DTNB: variants seen among roughly 807,000 people sequenced by gnomAD.
DTNB encodes the protein dystrobrevin beta, also known as DTN-B.
Under a neutral mutation model 90.7 loss-of-function variants are expected in DTNB, and 63 were observed. That is an observed-to-expected ratio of 0.69 (90% CI 0.57 to 0.86). The LOEUF is 0.86. Among genes scored for constraint, DTNB ranks in the 40% least tolerant of loss-of-function variants. The pLI, the probability that DTNB is intolerant of heterozygous loss-of-function variation, is 0.00. For missense variants in DTNB, 744 were observed against 807.1 expected, an observed-to-expected ratio of 0.92 and a Z score of 0.95; for synonymous variants, 277 against 286.7, an observed-to-expected ratio of 0.97 and a Z score of 0.34.
intron 5 of DTNB, among the ~76,000 whole-genome samples, chr2:25,601,205 T>C (rs1011066517): frequency 6.6e-6 from 1 of 152,116 alleles, no homozygotes; most frequent in African/African-American, 2.4e-5. Flanking sequence ...TTAATGAAAA[T>C]ATTTTAAAAA....
Position 25,573,119 on chromosome 2 carries a change from G to A in DTNB, c.876+3719C>T, listed in dbSNP as rs565437220. ...CGCCACCACACCCAGCTAATTTTTTGTAATTTTAGTAGAGACAGGGTTTTA... is the reference window on the plus strand; with the variant it reads ...CGCCACCACACCCAGCTAATTTTTTATAATTTTAGTAGAGACAGGGTTTTA... On this transcript the variant is annotated intron_variant, in intron 8 of 20. Transcript: ENST00000406818. 2.0e-5 allele frequency among the ~76,000 whole-genome samples: 3 copies of A among 152,184 alleles called. No individual in the cohort carries two copies. In the East Asian group the frequency reaches 5.8e-4, roughly 29 times the overall value.
intron 2 of DTNB, among the ~76,000 whole-genome samples, chr2:25,642,569 C>T (rs924067133): frequency 6.6e-6 from 1 of 151,754 alleles, no homozygotes; most frequent in Admixed American, 6.6e-5. Context: ...TGCCACCACA[C>T]CCAGCTAATT....
At chr2:25,458,391 G>T (rs367982086) in intron 10 of DTNB, among the ~76,000 whole-genome samples, 2 of 151,728 alleles carry the variant, frequency 1.3e-5, no homozygotes, top group Non-Finnish European at 2.9e-5. Context: ...TGGGAAAAGG[G>T]TTAATGAGAA....
chr2:25,568,152 G>A (rs1483206135), intron 8 of DTNB, among the ~76,000 whole-genome samples: 3 of 145,012 alleles, frequency 2.1e-5, no homozygotes, highest in South Asian at 2.1e-4. Flanking sequence ...GGGAGACTCC[G>A]TCTCAAAAAA....
chr2:25,416,938 G>A (rs1256484800), intron 16 of DTNB, among the ~76,000 whole-genome samples: 1 of 152,154 alleles, frequency 6.6e-6, no homozygotes, highest in Non-Finnish European at 1.5e-5. Flanking sequence ...TTAAACAGAA[G>A]CTAGTTCTAA....
At chr2:25,406,279 GAGGCTAC>G (rs995700916) in intron 16 of DTNB, among the ~76,000 whole-genome samples, 1 of 152,114 alleles carries the variant, frequency 6.6e-6, no homozygotes, top group Admixed American at 6.6e-5. Flanking sequence ...CCTGAGAGTA[GAGGCTAC>G]TACTGGTGCT....
chr2:25,416,824 G>C (rs372376658), intron 16 of DTNB, among the ~76,000 whole-genome samples: 28 of 151,460 alleles, frequency 1.8e-4, no homozygotes, highest in African/African-American at 6.8e-4. Context: ...AAGGAAGGAA[G>C]GAAGGAAGGA....
rs1360328781 is a variant in DTNB, at chr2:25,377,435, C to G, written c.*148G>C. ...CCCCTCTCCCTGGCGGGTGGAGTGA[C>G]GTCTGGCAGCCTGCAAGCCTGGTCC... On this transcript the variant is annotated 3_prime_UTR_variant, in exon 21 of 21. Coordinates refer to ENST00000406818, the MANE Select transcript of DTNB (RefSeq NM_021907.5). The G allele has an allele frequency of 6.5e-6, 1 of 152,900 alleles. No individual in the cohort carries two copies. Among genetic ancestry groups the G allele is most frequent in the African/African-American group, 2.4e-5 (1 of 41,448 alleles). The allele number at this position is 152,900 out of a possible 1,614,324, so 9.5% of individuals were successfully genotyped here.
At chr2:25,503,296 C>A (rs1205597804) in intron 9 of DTNB, among the ~76,000 whole-genome samples, 1 of 151,586 alleles carries the variant, frequency 6.6e-6, no homozygotes, top group African/African-American at 2.4e-5. Flanking sequence ...TGAGACCACA[C>A]TGGACAACAT....
intron 3 of DTNB, among the ~76,000 whole-genome samples, chr2:25,631,977 T>C (rs1213826678): frequency 1.3e-5 from 2 of 151,994 alleles, no homozygotes; most frequent in Admixed American, 6.6e-5. Context: ...GGTGGATCAC[T>C]TGAGGTCAGG....
chr2:25,656,585 G>A (rs1289515739), intron 1 of DTNB, among the ~76,000 whole-genome samples: 5 of 151,886 alleles, frequency 3.3e-5, no homozygotes, highest in African/African-American at 4.8e-5. Flanking sequence ...TCATAATCAC[G>A]CTCATATCCA....
chr2:25,559,009 G>A (rs1406366870), intron 8 of DTNB, among the ~76,000 whole-genome samples: 1 of 152,114 alleles, frequency 6.6e-6, no homozygotes, highest in East Asian at 1.9e-4. Context: ...GATGAACCCA[G>A]AGCCCTGCAT....
intron 1 of DTNB, among the ~76,000 whole-genome samples, chr2:25,661,661 A>G (rs568831930): frequency 6.6e-6 from 1 of 152,346 alleles, no homozygotes; most frequent in South Asian, 2.1e-4. Context: ...ATAATTCACT[A>G]AGCTATGATT....
At position 25,384,050 on chromosome 2, in the gene DTNB, C is replaced by T. The variant is rs976999583; in HGVS notation, c.1826-161G>A. Among the ~76,000 whole-genome samples the T allele has an allele frequency of 1.1e-4, 17 of 152,382 alleles. 1 individual carries two copies. The highest frequency in any genetic ancestry group is 5.8e-4 in the East Asian group (3 of 5,188). On this transcript the variant is annotated intron_variant, in intron 18 of 20. Coordinates refer to ENST00000406818, the MANE Select transcript of DTNB (RefSeq NM_021907.5). ...TTCAGCTCACCAGTCTGCACTTGTG[C>T]GGCCCACGCCCCAGCACTGCTGAAT...
chr2:25,488,984 G>A (rs1018241227), intron 9 of DTNB, among the ~76,000 whole-genome samples: 4 of 152,116 alleles, frequency 2.6e-5, no homozygotes, highest in African/African-American at 7.2e-5. Flanking sequence ...GTTTTTAGGC[G>A]GGGTAGGAGA....
chr2:25,560,954 G>T (rs984883314), intron 8 of DTNB, among the ~76,000 whole-genome samples: 1 of 152,096 alleles, frequency 6.6e-6, no homozygotes, highest in Non-Finnish European at 1.5e-5. Flanking sequence ...TTCAGCAACT[G>T]TTCTCCCACC....
intron 10 of DTNB, among the ~76,000 whole-genome samples, chr2:25,476,065 ATTTTTTT>A (rs35073594): frequency 7.8e-6 from 1 of 127,818 alleles, no homozygotes; most frequent in Non-Finnish European, 1.6e-5. Context: ...TCAAGAAGTA[ATTTTTTT>A]TTTTTTTTTT....
At chr2:25,661,029 G>C (rs1305030269) in intron 1 of DTNB, among the ~76,000 whole-genome samples, 11 of 152,066 alleles carry the variant, frequency 7.2e-5, no homozygotes, top group Non-Finnish European at 1.2e-4. Context: ...GTCTTGATTG[G>C]TATTTCTTTG....
At chr2:25,603,844 T>G (rs2066446124) in intron 5 of DTNB, among the ~76,000 whole-genome samples, 1 of 152,188 alleles carries the variant, frequency 6.6e-6, no homozygotes, top group Admixed American at 6.5e-5. Context: ...AAAGATCATT[T>G]GCTGTTACAA....
Sources: gnomAD v4.1 joint callset for allele counts (sites outside exome capture counted in the v4.1 genomes callset) on GRCh38, gnomAD v4.1.1 for gene constraint, MANE v1.5 for transcripts, NCBI Gene and HGNC (gene_info 2026-07-23, HGNC 2026-07-21) for gene names.